TG: variants seen among roughly 807,000 people sequenced by gnomAD.
TG encodes the protein thyroglobulin, also known as thyroid hormones.
TG carries 270 observed loss-of-function variants against 324.7 expected under a neutral mutation model. The observed-to-expected ratio is 0.83, with a 90% CI of 0.75 to 0.92. The LOEUF is 0.92. Ranked by LOEUF, TG falls within the 40% of genes least tolerant of loss-of-function variation. TG has a pLI of 0.00. For synonymous variants in TG, 1,401 were observed against 1,327.0 expected (o/e 1.06, Z -1.21); for missense variants, 3,591 against 3,456.4 (o/e 1.04, Z -0.98).
intron 43 of TG, among the ~76,000 whole-genome samples, chr8:133,113,088 A>T (rs1850398893): frequency 6.6e-6 from 1 of 152,168 alleles, no homozygotes; most frequent in Non-Finnish European, 1.5e-5. Flanking sequence ...CGGGGGTTTG[A>T]CCTGTTCTCA....
chr8:132,997,051 G>A (rs1832950760), intron 35 of TG, among the ~76,000 whole-genome samples: 2 of 152,200 alleles, frequency 1.3e-5, no homozygotes, highest in African/African-American at 2.4e-5. Flanking sequence ...TGTGTTTGCT[G>A]CAGGGACAAT....
At chr8:133,030,662 A>G (rs1836551816) in intron 41 of TG, among the ~76,000 whole-genome samples, 1 of 152,224 alleles carries the variant, frequency 6.6e-6, no homozygotes, top group Admixed American at 6.5e-5. Flanking sequence ...GCTTGTCATT[A>G]CTGGGGGTTG....
In TG at chr8:132,972,727, G is replaced by A; in HGVS notation, c.6185G>A (p.Trp2062Ter). 1.2e-6 allele frequency: 2 copies of A among 1,614,058 alleles called. No individual in the cohort carries two copies. The highest frequency in any genetic ancestry group is 2.2e-5 in the South Asian group (2 of 91,072). Residue 2062 changes from tryptophan (W) to a stop codon, truncating the protein, a stop_gained, in exon 34 of 48, where the codon TGG becomes TAG. Coordinates refer to ENST00000220616, the MANE Select transcript of TG (RefSeq NM_003235.5). LOFTEE classifies it high-confidence loss of function. ...DIEVHTYPFG[W>*]YQKPIAQNNA... ...GAAGTCCACACCTATCCCTTCGGAT[G>A]GTACCAGAAGCCCAGTAAGTACCCT...
chr8:132,886,155 G>A (rs1815387370), intron 8 of TG, among the ~76,000 whole-genome samples: 1 of 152,246 alleles, frequency 6.6e-6, no homozygotes, highest in South Asian at 2.1e-4. Context: ...GTGAGGTCAG[G>A]TTTTCAGAAA....
At chr8:132,924,632 GT>G (rs1187724984) in intron 22 of TG, among the ~76,000 whole-genome samples, 4 of 152,212 alleles carry the variant, frequency 2.6e-5, no homozygotes, top group Non-Finnish European at 5.9e-5. Context: ...AATATATAGT[GT>G]GATGGGAACC....
intron 35 of TG, chr8:132,988,996 C>G (rs1341418712): frequency 1.5e-5 from 10 of 666,820 alleles, no homozygotes. Flanking sequence ...CTCCATGTGG[C>G]TGGGGAGGCC....
At chr8:132,878,436 G>A (rs1422187644) in intron 5 of TG, among the ~76,000 whole-genome samples, 1 of 151,978 alleles carries the variant, frequency 6.6e-6, no homozygotes, top group East Asian at 1.9e-4. Flanking sequence ...CTAAGATGGT[G>A]AAACCTCGTC....
chr8:133,088,228 T>C (rs1457365046), intron 41 of TG, among the ~76,000 whole-genome samples: 1 of 151,942 alleles, frequency 6.6e-6, no homozygotes, highest in Non-Finnish European at 1.5e-5. Context: ...ATGGCATTCC[T>C]GTGATGGAGG....
In TG at chr8:133,113,479, C is replaced by A; in HGVS notation, c.7630C>A (p.Gln2544Lys). 6.2e-7 allele frequency: 1 copy of A among 1,613,940 alleles called. No individual in the cohort carries two copies. Among genetic ancestry groups the A allele is most frequent in the Non-Finnish European group, 8.5e-7 (1 of 1,180,002 alleles). The change falls in exon 44 of 48, where the codon CAG (glutamine) becomes AAG (lysine). Residue 2544 changes from glutamine to lysine, a missense_variant. Coordinates refer to ENST00000220616, the MANE Select transcript of TG (RefSeq NM_003235.5). Reference sequence around the variant, plus strand: ...CAAAACAGCCTTTTACCAGGCACTGCAGAATTCTCTGGGTGGCGAGGACTC... The same window carrying A: ...CAAAACAGCCTTTTACCAGGCACTGAAGAATTCTCTGGGTGGCGAGGACTC... ...SSKTAFYQAL[Q>K]NSLGGEDSDA... is the part of the protein sequence containing the mutation.
intron 35 of TG, among the ~76,000 whole-genome samples, chr8:132,985,750 T>C (rs1416224775): frequency 6.6e-6 from 1 of 152,122 alleles, no homozygotes; most frequent in Non-Finnish European, 1.5e-5. Context: ...GTGTGGGTGC[T>C]TCCTTCTGTA....
rs77309765 is a variant in TG at position 132,943,231 on chromosome 8, G to A, written c.5233+1689G>A. Among the ~76,000 whole-genome samples the A allele has an allele frequency of 4.3e-3, 652 of 152,208 alleles. 14 individuals are homozygous for A. The highest frequency in any genetic ancestry group is 9.7e-3 in the East Asian group (50 of 5,170). On this transcript the variant is annotated intron_variant, in intron 26 of 47. Coordinates refer to ENST00000220616, the MANE Select transcript of TG (RefSeq NM_003235.5). The stretch of plus-strand genomic sequence containing the variant: ...GAGGTGTTGGGTAACAGGGGTGAAT[G>A]GCTTGGTGCTATCCTCGTGACAGTG...
intron 45 of TG, among the ~76,000 whole-genome samples, chr8:133,116,995 T>A (rs1850750701): frequency 6.6e-6 from 1 of 152,236 alleles, no homozygotes; most frequent in African/African-American, 2.4e-5. Flanking sequence ...GCTTTTTCAT[T>A]TACTCTCTAT....
rs1203009876 is a variant in TG, at chr8:133,017,829, C to G, written c.6614C>G (p.Thr2205Ser). 6.2e-7 allele frequency: 1 copy of G among 1,614,098 alleles called. No homozygotes were observed. Among genetic ancestry groups the G allele is most frequent in the Non-Finnish European group, 8.5e-7 (1 of 1,180,050 alleles). ...EASVPSVPISTHGRLLGRSQA... is the reference protein window; with the variant it reads ...EASVPSVPISSHGRLLGRSQA... Reference sequence around the variant, plus strand: ...TCTGTACCTTCTGTGCCCATTTCCACCCATGGCCGGCTGCTGGGCAGGTCC... The same window carrying G: ...TCTGTACCTTCTGTGCCCATTTCCAGCCATGGCCGGCTGCTGGGCAGGTCC... The change falls in exon 38 of 48, where the codon ACC becomes AGC. Residue 2205 changes from threonine (T) to serine (S), a missense_variant. Transcript: ENST00000220616.
chr8:133,106,694 C>A (rs77302036), intron 43 of TG, among the ~76,000 whole-genome samples: 2 of 152,202 alleles, frequency 1.3e-5, no homozygotes, highest in African/African-American at 4.8e-5. Context: ...CACTGCCCAG[C>A]ACCCCCGTCC....
At chr8:132,895,134 C>A (rs1816910796) in intron 11 of TG, among the ~76,000 whole-genome samples, 1 of 152,258 alleles carries the variant, frequency 6.6e-6, no homozygotes, top group Admixed American at 6.5e-5. Flanking sequence ...AGATTTCTCA[C>A]TGACCCCACA....
intron 41 of TG, chr8:133,044,901 G>C (rs1839015944): frequency 1.4e-6 from 2 of 1,404,130 alleles, no homozygotes; most frequent in Middle Eastern, 1.8e-4. Flanking sequence ...AGACCCCTCT[G>C]CATTCCAGAC....
intron 34 of TG, among the ~76,000 whole-genome samples, chr8:132,982,551 G>A (rs1301663152): frequency 2.0e-5 from 3 of 152,172 alleles, no homozygotes; most frequent in East Asian, 1.9e-4. Context: ...GTTACTCTAC[G>A]CTGCTTCCAA....
At position 132,873,053 on chromosome 8, in the gene TG, A is replaced by T; in HGVS notation, c.479-9A>T. The stretch of plus-strand genomic sequence containing the variant: ...TATATAAGGATTTTTTTTTCGTGAA[A>T]ATGTTTAGGTCCAAGGAGCTGTGAA... On this transcript the variant is annotated splice_polypyrimidine_tract_variant and intron_variant, in intron 4 of 47. Coordinates refer to ENST00000220616, the MANE Select transcript of TG (RefSeq NM_003235.5). The T allele has an allele frequency of 6.2e-7, 1 of 1,613,910 alleles. No homozygotes were observed. The highest frequency in any genetic ancestry group is 8.5e-7 in the Non-Finnish European group (1 of 1,179,950).
intron 41 of TG, among the ~76,000 whole-genome samples, chr8:133,058,796 G>A (rs1841926063): frequency 6.6e-6 from 1 of 152,212 alleles, no homozygotes; most frequent in Non-Finnish European, 1.5e-5. Context: ...TTGTCATCTG[G>A]TTCCACCTCC....
Sources: gnomAD v4.1 joint callset for allele counts (sites outside exome capture counted in the v4.1 genomes callset) on GRCh38, gnomAD v4.1.1 for gene constraint, MANE v1.5 for transcripts, NCBI Gene and HGNC (gene_info 2026-07-23, HGNC 2026-07-21) for gene names.